Variants in FAM53C observed in about 807,000 individuals in gnomAD.
The protein encoded by FAM53C is family with sequence similarity 53 member C, also known as protein FAM53C.
In FAM53C, 10 loss-of-function variants were observed where a neutral mutation model predicts 34.7. That is an observed-to-expected ratio of 0.29 (90% CI 0.18 to 0.49). FAM53C has a LOEUF of 0.49. FAM53C is among the 20% of genes least tolerant of loss of function. The pLI, the probability that FAM53C is intolerant of heterozygous loss-of-function variation, is 0.99. For synonymous variants in FAM53C, 203 were observed against 203.6 expected (o/e 1.00, Z 0.03); for missense variants, 442 against 515.3 (o/e 0.86, Z 1.38).
At chr5:138,341,692 T>G in intron 2 of FAM53C, 117 bp from the exon 3 acceptor site, 3 of 929,616 alleles carry the variant, frequency 3.2e-6, no homozygotes, top group Non-Finnish European at 5.3e-6. Context: ...GAAGAACACT[T>G]AATGTCCCTA....
At chr5:138,339,837 C>T (rs1246308211) in intron 1 of FAM53C, among the ~76,000 whole-genome samples, 1 of 152,212 alleles carries the variant, frequency 6.6e-6, no homozygotes, top group Admixed American at 6.5e-5. Flanking sequence ...ACTCCAGGTA[C>T]ATCCAGGTTT....
At chr5:138,340,511 A>G (rs1384004083) in intron 1 of FAM53C, among the ~76,000 whole-genome samples, 2 of 152,248 alleles carry the variant, frequency 1.3e-5, no homozygotes, top group African/African-American at 4.8e-5. Context: ...GGTTAACTGT[A>G]TCCATGGACT....
chr5:138,340,959 C>A (rs892418136), intron 1 of FAM53C, among the ~76,000 whole-genome samples: 1 of 152,150 alleles, frequency 6.6e-6, no homozygotes, highest in African/African-American at 2.4e-5. Flanking sequence ...TTAAGGGTAG[C>A]AAATAAGTTT....
intron 1 of FAM53C, among the ~76,000 whole-genome samples, chr5:138,338,598 C>T (rs999238747): frequency 1.3e-5 from 2 of 150,770 alleles, no homozygotes; most frequent in Admixed American, 1.3e-4. Context: ...CACCCCCCCC[C>T]CCGCCCCGGG....
rs1016145767 is a variant in FAM53C, at chr5:138,347,669, C to G, written c.*710C>G. ...TTCAGCTAATGATCTTTTCTTCAGC[C>G]CCACCCCCTCCCCACTAGCTCGATC... On this transcript the variant is annotated 3_prime_UTR_variant, in exon 5 of 5. Coordinates refer to ENST00000239906, the MANE Select transcript of FAM53C (RefSeq NM_016605.3). The G allele has an allele frequency of 6.6e-6, 1 of 152,230 alleles. No homozygotes were observed. The highest frequency in any genetic ancestry group is 1.5e-5 in the Non-Finnish European group (1 of 68,338). 9.4% of individuals were successfully genotyped at this position (152,230 alleles called of 1,614,324 possible).
In FAM53C at chr5:138,344,922, C is replaced by G; in HGVS notation, c.234C>G (p.Leu78=). 6.2e-7 allele frequency: 1 copy of G among 1,614,124 alleles called. No homozygotes were observed. The highest frequency in any genetic ancestry group is 1.1e-5 in the South Asian group (1 of 91,068). The change falls in exon 4 of 5, where the codon CTC becomes CTG. Residue 78 remains leucine (L), a synonymous_variant. Coordinates refer to ENST00000239906, the MANE Select transcript of FAM53C (RefSeq NM_016605.3). ...ATCCCTCAGGCCTGAGCCTGCACCT[C>G]AGACCACCCAGTCGGGGAAACTCCC... ...SYHPSGLSLH[L]RPPSRGNSPK...
rs1761252688 is a variant in FAM53C at position 138,348,948 on chromosome 5, A to G, written c.*1989A>G. 6.6e-6 allele frequency: 1 copy of G among 152,264 alleles called. No individual in the cohort carries two copies. Among genetic ancestry groups the G allele is most frequent in the Admixed American group, 6.5e-5 (1 of 15,286 alleles). 9.4% of individuals were successfully genotyped at this position (152,264 alleles called of 1,614,324 possible). On this transcript the variant is annotated 3_prime_UTR_variant, in exon 5 of 5. Transcript: ENST00000239906. ...GCCAGCTTCCAACAGGTTACTGGCA[A>G]TGCCAGTGAGTTTCTGTAGGCCCTA...
At chr5:138,343,494 G>C (rs1761088706) in intron 3 of FAM53C, among the ~76,000 whole-genome samples, 1 of 149,134 alleles carries the variant, frequency 6.7e-6, no homozygotes, top group Admixed American at 6.7e-5. Flanking sequence ...TTGGGCAACA[G>C]AGCGAGATTC....
chr5:138,345,284 C>G lies in FAM53C; in HGVS notation c.596C>G (p.Ala199Gly). 6.2e-7 allele frequency: 1 copy of G among 1,614,218 alleles called. No individual in the cohort carries two copies. Residue 199 changes from alanine (A) to glycine (G), a missense_variant, in exon 4 of 5, where the codon GCC becomes GGC. Physicochemically the swap from Ala to Gly is moderately conservative, Grantham distance 60. Coordinates refer to ENST00000239906, the MANE Select transcript of FAM53C (RefSeq NM_016605.3). This position sits in a 1 kb window ranked among gnomAD's most constrained non-coding sequence, Gnocchi z 6.3. ...YSPPFFSLAL[A>G]QDSSRPCAAS... Reference sequence around the variant, plus strand: ...CCTCCTTTCTTCAGCCTGGCCCTGGCCCAAGATTCCTCTCGACCCTGCGCC... The same window carrying G: ...CCTCCTTTCTTCAGCCTGGCCCTGGGCCAAGATTCCTCTCGACCCTGCGCC...
intron 3 of FAM53C, chr5:138,342,073 T>C (rs1001276510): frequency 1.1e-5 from 6 of 527,592 alleles, no homozygotes; most frequent in Non-Finnish European, 1.7e-5. Context: ...TGTGGGGACT[T>C]GTATAATCTA....
chr5:138,345,125 AGCACC>A lies in FAM53C; in HGVS notation c.439_443del (p.His147GlyfsTer70). On this transcript the variant is annotated frameshift_variant, in exon 4 of 5. Coordinates refer to ENST00000239906, the MANE Select transcript of FAM53C (RefSeq NM_016605.3). LOFTEE classifies it high-confidence loss of function. The surrounding 1 kb of genome is among the most constrained non-coding windows in gnomAD (Gnocchi z 6.3). ...CCCTCCAAGCTGTGGACTCCCATAA[AGCACC>A]GGGGCAGTGGTGGAGGGGGTGGGCC... 6.2e-7 allele frequency: 1 copy of A among 1,614,020 alleles called. No individual in the cohort carries two copies. Among genetic ancestry groups the A allele is most frequent in the Non-Finnish European group, 8.5e-7 (1 of 1,179,956 alleles).
At chr5:138,338,469 G>A (rs1580849136) in intron 1 of FAM53C, 162 bp downstream of exon 1, 1 of 329,858 alleles carries the variant, frequency 3.0e-6, no homozygotes, top group East Asian at 1.0e-4. Flanking sequence ...GGAGGGGGTG[G>A]CGGAGTGCTA....
chr5:138,341,239 G>T lies in FAM53C; in HGVS notation c.-97G>T, dbSNP rs775780927. ...CCAATGGTGCTAGAATGGTGCTGCA[G>T]TGGCAGAAGACGGCTCACAAGTGAG... On this transcript the variant is annotated 5_prime_UTR_variant, in exon 2 of 5. Coordinates refer to ENST00000239906, the MANE Select transcript of FAM53C (RefSeq NM_016605.3). 1.0e-6 allele frequency: 1 copy of T among 994,112 alleles called. No individual in the cohort carries two copies. The highest frequency in any genetic ancestry group is 1.6e-6 in the Non-Finnish European group (1 of 615,630). The allele number at this position is 994,112 out of a possible 1,614,324, so 61.6% of individuals were successfully genotyped here. A position where few individuals can be genotyped will look rare whatever the true frequency, so the allele number is the denominator to read the frequency against.
At chr5:138,343,685 A>G (rs1761094428) in intron 3 of FAM53C, 1 of 152,194 alleles carries the variant, frequency 6.6e-6, no homozygotes, top group Non-Finnish European at 1.5e-5. Flanking sequence ...GGACAATCAG[A>G]ACTCCCTAAC....
chr5:138,341,724 C>T (rs1197936009), intron 2 of FAM53C, 85 bp from the exon 3 acceptor site: 5 of 1,204,320 alleles, frequency 4.2e-6, no homozygotes, highest in African/African-American at 3.0e-5. Context: ...GCTCATGAAT[C>T]GCAGAGGAGA....
intron 4 of FAM53C, among the ~76,000 whole-genome samples, chr5:138,346,492 C>T (rs544329661): frequency 7.2e-5 from 11 of 152,236 alleles, no homozygotes; most frequent in South Asian, 6.2e-4. Context: ...GGGCGTGGGC[C>T]GGGCACCTGT....
At chr5:138,338,411 C>A in intron 1 of FAM53C, 104 bp downstream of exon 1, 1 of 348,256 alleles carries the variant, frequency 2.9e-6, no homozygotes, top group Non-Finnish European at 5.6e-6. Context: ...GCCCGCGCGG[C>A]CGGGCCTCGC....
In FAM53C at chr5:138,344,980, C is replaced by T; in HGVS notation, c.292C>T (p.Pro98Ser). ...KEQPFSQVLRPEPPDPEKLPV... is the reference protein window; with the variant it reads ...KEQPFSQVLRSEPPDPEKLPV... ...GCAGCCCTTCTCCCAAGTCCTAAGA[C>T]CTGAGCCCCCAGATCCAGAGAAGCT... Residue 98 changes from proline to serine, a missense_variant, in exon 4 of 5, where the codon CCT becomes TCT. By Grantham distance (74) the Pro-to-Ser change is moderately conservative. Coordinates refer to ENST00000239906, the MANE Select transcript of FAM53C (RefSeq NM_016605.3). 4 of 1,614,022 alleles carry T rather than the reference C, an allele frequency of 2.5e-6. No homozygotes were observed. The highest frequency in any genetic ancestry group is 2.2e-5 in the East Asian group (1 of 44,846).
Position 138,345,453 on chromosome 5 carries a change from C to T in FAM53C, c.765C>T (p.Ser255=), listed in dbSNP as rs1310296160. The T allele has an allele frequency of 1.9e-6, 3 of 1,614,082 alleles. No homozygotes were observed. The highest frequency in any genetic ancestry group is 2.2e-5 in the South Asian group (2 of 91,084). ...LPSARSSPAS[S]PELPWRPRGL... ...CTGCCCGGAGCTCTCCCGCATCCTCCCCAGAGCTGCCCTGGCGACCTCGAG... is the reference window on the plus strand; with the variant it reads ...CTGCCCGGAGCTCTCCCGCATCCTCTCCAGAGCTGCCCTGGCGACCTCGAG... Residue 255 remains serine, a synonymous_variant, in exon 4 of 5, where the codon TCC becomes TCT. Transcript: ENST00000239906. This position sits in a 1 kb window ranked among gnomAD's most constrained non-coding sequence, Gnocchi z 6.3.
Sources: gnomAD v4.1 joint callset for allele counts (sites outside exome capture counted in the v4.1 genomes callset) on GRCh38, gnomAD v4.1.1 for gene constraint, Gnocchi (gnomAD v3.1) non-coding constraint, MANE v1.5 for transcripts, NCBI Gene and HGNC (gene_info 2026-07-23, HGNC 2026-07-21) for gene names.